Variants in TMEM116 observed in about 807,000 individuals in gnomAD.
TMEM116 encodes transmembrane protein 116.
A neutral mutation model predicts 44.3 loss-of-function variants in TMEM116; 38 were observed. The ratio of observed to expected loss-of-function variants is 0.86; its 90% confidence interval spans 0.66 to 1.12. TMEM116 has a LOEUF of 1.12. Among genes scored for constraint, TMEM116 ranks in the 50% most tolerant of loss-of-function variants. The probability of loss-of-function intolerance (pLI) is 0.00; values close to 1 mark genes in which losing one functional copy is unlikely to be tolerated. For missense variants in TMEM116, 354 were observed against 401.7 expected (o/e 0.88, Z 1.01); for synonymous variants, 132 against 144.8 (o/e 0.91, Z 0.64).
At chr12:111,985,875 G>T (rs2076200932) in intron 4 of TMEM116, among the ~76,000 whole-genome samples, 1 of 152,126 alleles carries the variant, frequency 6.6e-6, no homozygotes, top group African/African-American at 2.4e-5. Context: ...GGGATTGTAG[G>T]CATGAGCCAC....
At chr12:111,959,479 C>G (rs968914878) in intron 4 of TMEM116, among the ~76,000 whole-genome samples, 4 of 152,188 alleles carry the variant, frequency 2.6e-5, no homozygotes, top group Non-Finnish European at 4.4e-5. Context: ...ATGACAGGAT[C>G]AAATTCACAC....
intron 5 of TMEM116, among the ~76,000 whole-genome samples, chr12:111,939,657 T>TA (rs921201436): frequency 8.0e-4 from 101 of 126,148 alleles, no homozygotes; most frequent in East Asian, 1.6e-3. Flanking sequence ...AAACTACAAT[T>TA]AAAAAAAAAA....
At chr12:111,941,215 T>C (rs1001228310) in intron 5 of TMEM116, among the ~76,000 whole-genome samples, 2 of 151,590 alleles carry the variant, frequency 1.3e-5, no homozygotes, top group African/African-American at 4.8e-5. Context: ...ATCTCTACTA[T>C]AAATACAAAA....
chr12:111,960,137 C>T (rs569808973), intron 4 of TMEM116, among the ~76,000 whole-genome samples: 12 of 152,088 alleles, frequency 7.9e-5, no homozygotes, highest in African/African-American at 2.2e-4. Context: ...GAACGGAAAT[C>T]GTAACAAATA....
At chr12:111,976,541 G>A (rs2075683254) in intron 4 of TMEM116, among the ~76,000 whole-genome samples, 1 of 152,010 alleles carries the variant, frequency 6.6e-6, no homozygotes, top group Non-Finnish European at 1.5e-5. Context: ...AATTACCTCA[G>A]TTCCTATTAC....
At chr12:111,990,219 C>T (rs2076474502) in intron 4 of TMEM116, among the ~76,000 whole-genome samples, 2 of 150,392 alleles carry the variant, frequency 1.3e-5, no homozygotes, top group Admixed American at 6.6e-5. Context: ...CATGCCACTG[C>T]ACTCCAGCAT....
chr12:111,969,091 C>T (rs533619522), intron 4 of TMEM116, among the ~76,000 whole-genome samples: 7 of 151,202 alleles, frequency 4.6e-5, no homozygotes, highest in Admixed American at 2.6e-4. Context: ...GAGGCCACGG[C>T]GGGTGGATCA....
chr12:111,942,929 T>G (rs1026078472), intron 5 of TMEM116, among the ~76,000 whole-genome samples: 1 of 152,074 alleles, frequency 6.6e-6, no homozygotes, highest in Non-Finnish European at 1.5e-5. Context: ...GCTTACACCG[T>G]TTATCAGGGA....
At chr12:111,932,515 G>T in intron 10 of TMEM116, 71 bp downstream of exon 10, 1 of 1,289,270 alleles carries the variant, frequency 7.8e-7, no homozygotes, top group South Asian at 1.2e-5. Context: ...CATCCTTACC[G>T]AGTAAAGGTA....
At chr12:111,995,032 T>G (rs1358102090) in intron 3 of TMEM116, among the ~76,000 whole-genome samples, 1 of 152,186 alleles carries the variant, frequency 6.6e-6, no homozygotes, top group Non-Finnish European at 1.5e-5. Context: ...CACGTCCGTT[T>G]ATAGGCTCTC....
At chr12:111,980,318 C>T (rs1357477060) in intron 4 of TMEM116, among the ~76,000 whole-genome samples, 1 of 152,034 alleles carries the variant, frequency 6.6e-6, no homozygotes, top group African/African-American at 2.4e-5. Context: ...GTCAATCTGA[C>T]AAGATTATAT....
At chr12:111,946,292 C>A (rs148291788) in intron 4 of TMEM116, among the ~76,000 whole-genome samples, 2 of 152,272 alleles carry the variant, frequency 1.3e-5, no homozygotes, top group Non-Finnish European at 2.9e-5. Flanking sequence ...TAGTGTGGAG[C>A]GGGATCAGGG....
intron 4 of TMEM116, among the ~76,000 whole-genome samples, chr12:111,962,537 C>T (rs1593411922): frequency 6.6e-6 from 1 of 152,156 alleles, no homozygotes. Context: ...TGATCTTTGA[C>T]AAACCTGACA....
At chr12:112,000,509 C>G (rs1474903546) in intron 3 of TMEM116, among the ~76,000 whole-genome samples, 3 of 151,794 alleles carry the variant, frequency 2.0e-5, no homozygotes, top group Non-Finnish European at 4.4e-5. Context: ...GTTACTGCCT[C>G]TCATGATCTG....
intron 5 of TMEM116, among the ~76,000 whole-genome samples, chr12:111,940,565 G>GTATATATATATATATATA (rs1182152145): frequency 1.6e-5 from 2 of 127,928 alleles, no homozygotes; most frequent in African/African-American, 6.1e-5. Context: ...ATATATATGT[G>GTATATATATATATATATA]TGTATATATA....
chr12:112,012,651 A>C (rs898938020), intron 1 of TMEM116: 1 of 152,504 alleles, frequency 6.6e-6, no homozygotes, highest in African/African-American at 2.4e-5. Flanking sequence ...CCCCCAACAA[A>C]GTGCGTGCCT....
intron 4 of TMEM116, among the ~76,000 whole-genome samples, chr12:111,957,420 C>A (rs1002650519): frequency 6.7e-6 from 1 of 148,724 alleles, no homozygotes; most frequent in African/African-American, 2.5e-5. Flanking sequence ...AGTGGGGAGC[C>A]CCTCCGCCCG....
intron 8 of TMEM116, 25 bp downstream of exon 8, chr12:111,936,666 CA>C (rs761965394): frequency 6.2e-7 from 1 of 1,606,020 alleles, no homozygotes; most frequent in African/African-American, 1.3e-5. Flanking sequence ...CATCTCTCCA[CA>C]AAGGAAGGTA....
In TMEM116 at chr12:111,933,961, G is replaced by C. The variant is rs748951644; in HGVS notation, c.658C>G (p.Gln220Glu). The change falls in exon 9 of 11, where the codon CAG (glutamine) becomes GAG (glutamate). Residue 220 changes from glutamine to glutamate, a missense_variant. By Grantham distance (29) the Gln-to-Glu change is conservative (BLOSUM62 2). Transcript: ENST00000552374. The part of the protein sequence containing the change: ...VKSTGFLGSE[Q>E]WAVIHIVDQR... ...TCCACAATGTGAATCACTGCCCACTGTTCACTCCCCAGAAAGCCAGTTGAC... is the reference window on the plus strand; with the variant it reads ...TCCACAATGTGAATCACTGCCCACTCTTCACTCCCCAGAAAGCCAGTTGAC... 1.1e-5 allele frequency: 17 copies of C among 1,614,096 alleles called. No individual in the cohort carries two copies. Among genetic ancestry groups the C allele is most frequent in the Non-Finnish European group, 1.4e-5 (17 of 1,180,022 alleles).
Sources: allele counts gnomAD v4.1 joint callset (sites outside exome capture counted in the v4.1 genomes callset), GRCh38; gene constraint gnomAD v4.1.1; transcripts MANE v1.5; gene names NCBI Gene and HGNC (gene_info 2026-07-23, HGNC 2026-07-21).